Variants in TCP11L1 observed in about 807,000 individuals in gnomAD.
TCP11L1 encodes t-complex 11 like 1, also known as T-complex protein 11-like protein 1.
In TCP11L1, 28 loss-of-function variants were observed where a neutral mutation model predicts 48.9. The ratio of observed to expected loss-of-function variants is 0.57; its 90% confidence interval spans 0.42 to 0.78. The LOEUF is 0.78. Ranked by LOEUF, TCP11L1 falls within the 30% of genes least tolerant of loss-of-function variation. The pLI, the probability that TCP11L1 is intolerant of heterozygous loss-of-function variation, is 0.00. For missense variants in TCP11L1, 505 were observed against 613.4 expected, an observed-to-expected ratio of 0.82 and a Z score of 1.87; for synonymous variants, 204 against 231.9, an observed-to-expected ratio of 0.88 and a Z score of 1.09.
At chr11:33,072,087 G>A (rs967128624) in intron 9 of TCP11L1, among the ~76,000 whole-genome samples, 4 of 152,024 alleles carry the variant, frequency 2.6e-5, no homozygotes, top group South Asian at 2.1e-4. Flanking sequence ...CAGGTGACCC[G>A]CCCACCTTAG....
intron 1 of TCP11L1, 126 bp from the exon 2 acceptor site, chr11:33,043,624 C>T (rs1853902000): frequency 1.5e-6 from 1 of 677,834 alleles, no homozygotes; most frequent in Non-Finnish European, 2.4e-6. Context: ...TTAGCAAGCT[C>T]ATTTATTCTA....
In TCP11L1 at chr11:33,043,829, A is replaced by G. The variant is rs199784092; in HGVS notation, c.56A>G (p.Asn19Ser). 44 of 1,613,930 alleles carry G rather than the reference A, an allele frequency of 2.7e-5. No homozygotes were observed. The highest frequency in any genetic ancestry group is 6.6e-5 in the South Asian group (6 of 91,042). Reference sequence around the variant, plus strand: ...AATGAAGCAGGAAAATCAAAATCCAATGATTCTGAGGAAGGCCTCGAAGAT... The same window carrying G: ...AATGAAGCAGGAAAATCAAAATCCAGTGATTCTGAGGAAGGCCTCGAAGAT... Reference protein sequence around the residue: ...NVNEAGKSKSNDSEEGLEDAV... With the variant: ...NVNEAGKSKSSDSEEGLEDAV... The change falls in exon 2 of 10, where the codon AAT becomes AGT. Residue 19 changes from asparagine to serine, a missense_variant. Asn to Ser is a conservative substitution (Grantham distance 46, BLOSUM62 1). This residue lies in a region of TCP11L1 where 168 missense variants were observed against 183.5 expected (regional missense o/e 0.92). Coordinates refer to ENST00000334274, the MANE Select transcript of TCP11L1 (RefSeq NM_018393.4).
At chr11:33,046,798 C>T (rs973742443) in intron 2 of TCP11L1, among the ~76,000 whole-genome samples, 3 of 152,194 alleles carry the variant, frequency 2.0e-5, no homozygotes, top group Admixed American at 2.0e-4. Flanking sequence ...TTCCCCCAAA[C>T]TCTGTAAATT....
chr11:33,047,475 G>C (rs11604805), intron 2 of TCP11L1, among the ~76,000 whole-genome samples: 62,442 of 152,020 alleles, frequency 0.41, 13,041 homozygotes, highest in African/African-American at 0.48. Flanking sequence ...TAGTTGACCA[G>C]TAAAAGATGC....
At chr11:33,051,097 C>G (rs1397812763) in intron 2 of TCP11L1, among the ~76,000 whole-genome samples, 1 of 151,370 alleles carries the variant, frequency 6.6e-6, no homozygotes, top group Non-Finnish European at 1.5e-5. Flanking sequence ...AGGCATGAGC[C>G]ACCATGCCCC....
intron 7 of TCP11L1, among the ~76,000 whole-genome samples, chr11:33,064,630 TCTA>T (rs1456285857): frequency 6.6e-6 from 1 of 152,202 alleles, no homozygotes; most frequent in Non-Finnish European, 1.5e-5. Context: ...CTCTGTCACT[TCTA>T]CTCTCTGTGC....
chr11:33,072,850 A>G lies in TCP11L1; in HGVS notation c.*174A>G, dbSNP rs1422506200. On this transcript the variant is annotated 3_prime_UTR_variant, in exon 10 of 10. Transcript: ENST00000334274. ...AAAGACTTGTTGAGAAATCCACTGAATTCTATTTTGAGAGATTGTATTTAT... is the reference window on the plus strand; with the variant it reads ...AAAGACTTGTTGAGAAATCCACTGAGTTCTATTTTGAGAGATTGTATTTAT... The G allele has an allele frequency of 2.8e-6, 2 of 704,342 alleles. No homozygotes were observed. Among genetic ancestry groups the G allele is most frequent in the African/African-American group, 1.8e-5 (1 of 55,858 alleles). The allele number at this position is 704,342 out of a possible 1,614,324, so 43.6% of individuals were successfully genotyped here.
chr11:33,062,298 T>G (rs1237274975), intron 7 of TCP11L1, among the ~76,000 whole-genome samples: 1 of 113,886 alleles, frequency 8.8e-6, no homozygotes, highest in South Asian at 3.1e-4. Context: ...GTCACTGCCC[T>G]CCCCCCCTCC....
intron 2 of TCP11L1, among the ~76,000 whole-genome samples, chr11:33,053,144 CTTT>C (rs10715921): frequency 6.9e-5 from 8 of 116,194 alleles, no homozygotes; most frequent in Non-Finnish European, 3.5e-5. Context: ...CTATCAGAGA[CTTT>C]TTTTTTTTTT....
intron 9 of TCP11L1, among the ~76,000 whole-genome samples, chr11:33,070,543 G>A (rs775661989): frequency 2.6e-5 from 4 of 151,732 alleles, no homozygotes; most frequent in Non-Finnish European, 5.9e-5. Context: ...AAATTAGCCA[G>A]GCATGGTGGT....
intron 7 of TCP11L1, among the ~76,000 whole-genome samples, chr11:33,062,050 C>T (rs549303569): frequency 6.6e-6 from 1 of 152,024 alleles, no homozygotes; most frequent in Non-Finnish European, 1.5e-5. Flanking sequence ...CACTGCACTC[C>T]AGCCTGGGCG....
intron 2 of TCP11L1, 28 bp from the exon 3 acceptor site, chr11:33,054,565 A>G: frequency 6.3e-7 from 1 of 1,593,772 alleles, no homozygotes; most frequent in Non-Finnish European, 8.5e-7. Context: ...CAGGGAAGCA[A>G]ATCTCTTACA....
intron 9 of TCP11L1, among the ~76,000 whole-genome samples, chr11:33,069,458 T>A (rs1444958276): frequency 2.0e-5 from 3 of 151,942 alleles, no homozygotes; most frequent in Non-Finnish European, 4.4e-5. Context: ...TATAAAATAT[T>A]TAAAATATTC....
chr11:33,066,590 T>C (rs909362661), intron 8 of TCP11L1, among the ~76,000 whole-genome samples: 1 of 152,088 alleles, frequency 6.6e-6, no homozygotes, highest in Admixed American at 6.5e-5. Context: ...TCCCGGGGCC[T>C]GGCTCGGTGT....
At chr11:33,066,238 A>T (rs1854614889) in intron 8 of TCP11L1, among the ~76,000 whole-genome samples, 1 of 152,184 alleles carries the variant, frequency 6.6e-6, no homozygotes, top group Admixed American at 6.5e-5. Flanking sequence ...GAGCTCTAGG[A>T]TAGTGGCTTC....
At position 33,061,632 on chromosome 11, in the gene TCP11L1, C is replaced by A. The variant is rs1484865398; in HGVS notation, c.878C>A (p.Ser293Tyr). ...ALPVGGMAAGSGDMPRLSPVA... is the reference protein window; with the variant it reads ...ALPVGGMAAGYGDMPRLSPVA... ...CCAGTGGGGGGAATGGCTGCTGGCT[C>A]TGGGGACATGCCCAGGCTGAGCCCT... The change falls in exon 7 of 10, where the codon TCT (serine) becomes TAT (tyrosine). Residue 293 changes from serine (S) to tyrosine (Y), a missense_variant. Transcript: ENST00000334274. 6.2e-7 allele frequency: 1 copy of A among 1,612,796 alleles called. No homozygotes were observed. The highest frequency in any genetic ancestry group is 8.5e-7 in the Non-Finnish European group (1 of 1,179,552).
chr11:33,049,384 G>A (rs916372490), intron 2 of TCP11L1, among the ~76,000 whole-genome samples: 19 of 152,042 alleles, frequency 1.2e-4, no homozygotes, highest in African/African-American at 3.6e-4. Context: ...GGTGTTTCTC[G>A]TCATGTGGGA....
intron 7 of TCP11L1, among the ~76,000 whole-genome samples, chr11:33,064,544 A>G (rs536224061): frequency 6.6e-6 from 1 of 151,260 alleles, no homozygotes; most frequent in African/African-American, 2.4e-5. Flanking sequence ...CTGGCATGGT[A>G]GGACCCAGGA....
intron 7 of TCP11L1, among the ~76,000 whole-genome samples, chr11:33,065,527 C>A (rs899267148): frequency 2.6e-5 from 4 of 152,134 alleles, no homozygotes; most frequent in African/African-American, 9.7e-5. Context: ...CCTCCCAAAG[C>A]GCTGGGATTA....
Sources: allele counts gnomAD v4.1 joint callset (sites outside exome capture counted in the v4.1 genomes callset), GRCh38; gene constraint gnomAD v4.1.1; regional missense constraint gnomAD v4.1.1; transcripts MANE v1.5; gene names NCBI Gene and HGNC (gene_info 2026-07-23, HGNC 2026-07-21).